MAPK4: variants seen among roughly 807,000 people sequenced by gnomAD.
MAPK4 encodes the protein mitogen-activated protein kinase 4.
MAPK4 carries 22 observed loss-of-function variants against 47.7 expected under a neutral mutation model. That is an observed-to-expected ratio of 0.46 (90% CI 0.33 to 0.66). MAPK4 has a LOEUF of 0.66. Ranked by LOEUF, MAPK4 falls within the 30% of genes least tolerant of loss-of-function variation. The probability of loss-of-function intolerance (pLI) is 0.02; values close to 1 mark genes in which losing one functional copy is unlikely to be tolerated. For synonymous variants in MAPK4, 390 were observed against 365.7 expected (o/e 1.07, Z -0.76); for missense variants, 736 against 831.7 (o/e 0.88, Z 1.42).
chr18:50,641,218 A>G (rs1309907903), intron 1 of MAPK4, among the ~76,000 whole-genome samples: 1 of 152,170 alleles, frequency 6.6e-6, no homozygotes, highest in Non-Finnish European at 1.5e-5. Context: ...ATATAAAAAG[A>G]GGGCTGGACG....
At position 50,669,074 on chromosome 18, in the gene MAPK4, C is replaced by T. The variant is rs1907776850; in HGVS notation, c.546+4570C>T. ...CCAGGCAGACACCAGATGTCAGTTT[C>T]CCCTTCACTGAGATACGGACCCCAC... On this transcript the variant is annotated intron_variant, in intron 2 of 5. Transcript: ENST00000400384. 3 of 152,222 alleles carry T rather than the reference C, an allele frequency of 2.0e-5. 1 individual carries two copies. The South Asian group carries it at 6.2e-4, about 32-fold the overall frequency. 9.4% of individuals were successfully genotyped at this position (152,222 alleles called of 1,614,324 possible). A position where few individuals can be genotyped will look rare whatever the true frequency, so the allele number is the denominator to read the frequency against.
chr18:50,666,708 T>G (rs529214715), intron 2 of MAPK4, among the ~76,000 whole-genome samples: 1 of 152,312 alleles, frequency 6.6e-6, no homozygotes, highest in South Asian at 2.1e-4. Flanking sequence ...AAGAAATCAC[T>G]GGAGGCAGTT....
rs531002684 is a variant in MAPK4 at position 50,678,512 on chromosome 18, C to T, written c.546+14008C>T. Among the ~76,000 whole-genome samples the T allele has an allele frequency of 5.7e-4, 87 of 152,268 alleles. 1 individual carries two copies. In the South Asian group the frequency reaches 0.011, roughly 19 times the overall value. ...CCTCCACCCTGTACAGACTGGAGAG[C>T]GGGCCCTGTCTTCCCAGAGGTGTTC... On this transcript the variant is annotated intron_variant, in intron 2 of 5. Transcript: ENST00000400384. The surrounding 1 kb of genome is among the most constrained non-coding windows in gnomAD (Gnocchi z 4.2).
intron 1 of MAPK4, among the ~76,000 whole-genome samples, chr18:50,599,849 G>A (rs542271679): frequency 6.6e-6 from 1 of 152,162 alleles, no homozygotes; most frequent in Admixed American, 6.5e-5. Context: ...CTTTCCTGAG[G>A]AGTATCTAAG....
intron 1 of MAPK4, among the ~76,000 whole-genome samples, chr18:50,632,858 G>A (rs914761923): frequency 6.6e-6 from 1 of 152,166 alleles, no homozygotes; most frequent in Non-Finnish European, 1.5e-5. Flanking sequence ...GACCTCAGGT[G>A]ATCCACCTGC....
In MAPK4 at chr18:50,729,812, C is replaced by A. The variant is rs963636818; in HGVS notation, c.1722C>A (p.Gly574=). 12 of 1,612,044 alleles carry A rather than the reference C, an allele frequency of 7.4e-6. No individual in the cohort carries two copies. Among genetic ancestry groups the A allele is most frequent in the Non-Finnish European group, 1.0e-5 (12 of 1,179,620 alleles). ...LNGACIPEHP[G]DLVQTEAFSK... is the part of the protein sequence containing the mutation. Reference sequence around the variant, plus strand: ...GTGCGTGCATCCCCGAGCACCCTGGCGACCTCGTGCAGACCGAGGCCTTCT... The same window carrying A: ...GTGCGTGCATCCCCGAGCACCCTGGAGACCTCGTGCAGACCGAGGCCTTCT... The change falls in exon 6 of 6, where the codon GGC becomes GGA. Residue 574 remains glycine, a synonymous_variant. Transcript: ENST00000400384.
intron 1 of MAPK4, among the ~76,000 whole-genome samples, chr18:50,618,800 G>A (rs1447077674): frequency 6.6e-6 from 1 of 152,062 alleles, no homozygotes; most frequent in Non-Finnish European, 1.5e-5. Context: ...ATGGAGTGGG[G>A]CAGGTGTTTG....
At chr18:50,643,563 C>T (rs2042960059) in intron 1 of MAPK4, among the ~76,000 whole-genome samples, 1 of 152,214 alleles carries the variant, frequency 6.6e-6, no homozygotes. Context: ...TAATTCTCAT[C>T]CCATATCTTC....
chr18:50,660,867 C>G (rs533537547), intron 1 of MAPK4, among the ~76,000 whole-genome samples: 1 of 152,296 alleles, frequency 6.6e-6, no homozygotes, highest in East Asian at 1.9e-4. Flanking sequence ...GCCACGTTGA[C>G]ATCGTACCTG....
At chr18:50,577,698 G>C (rs891201218) in intron 1 of MAPK4, among the ~76,000 whole-genome samples, 3 of 152,168 alleles carry the variant, frequency 2.0e-5, no homozygotes, top group African/African-American at 7.2e-5. Flanking sequence ...GGGCATTTCT[G>C]GTTCTTTGGA....
chr18:50,581,782 AAC>A (rs746734773), intron 1 of MAPK4, among the ~76,000 whole-genome samples: 1 of 152,208 alleles, frequency 6.6e-6, no homozygotes, highest in Non-Finnish European at 1.5e-5. Flanking sequence ...TTAGTCTGAC[AAC>A]AGTTACTGGG....
chr18:50,584,298 G>A (rs1568035136), intron 1 of MAPK4, among the ~76,000 whole-genome samples: 1 of 152,152 alleles, frequency 6.6e-6, no homozygotes, highest in Non-Finnish European at 1.5e-5. Context: ...CTGGGGTTAT[G>A]GTGGAGGAAT....
intron 1 of MAPK4, among the ~76,000 whole-genome samples, chr18:50,567,992 C>T (rs35037717): frequency 0.06 from 9,077 of 151,954 alleles, 355 homozygotes; most frequent in Non-Finnish European, 0.087. Flanking sequence ...GTCAGGCGAT[C>T]GAGACCATCC....
Position 50,664,103 on chromosome 18 carries a change from A to G in MAPK4, c.145A>G (p.Lys49Glu). ...CCGGGCCTGCCGGAAGGTCGCTGTG[A>G]AGAAGATTGCCCTGAGCGATGCCCG... ...DSRACRKVAV[K>E]KIALSDARSM... The change falls in exon 2 of 6, where the codon AAG (lysine) becomes GAG (glutamate). Residue 49 changes from lysine to glutamate, a missense_variant. Physicochemically the swap from Lys to Glu is moderately conservative, Grantham distance 56. Transcript: ENST00000400384. This position sits in a 1 kb window ranked among gnomAD's most constrained non-coding sequence, Gnocchi z 6.0. The G allele has an allele frequency of 6.2e-7, 1 of 1,614,042 alleles. No individual in the cohort carries two copies. Among genetic ancestry groups the G allele is most frequent in the South Asian group, 1.1e-5 (1 of 91,066 alleles).
intron 2 of MAPK4, among the ~76,000 whole-genome samples, chr18:50,687,772 TG>T (rs1382766902): frequency 6.6e-6 from 1 of 152,132 alleles, no homozygotes; most frequent in Non-Finnish European, 1.5e-5. Flanking sequence ...GAAATCCTTC[TG>T]GGCCACGTGT....
At chr18:50,570,662 T>C (rs2042241809) in intron 1 of MAPK4, among the ~76,000 whole-genome samples, 1 of 152,170 alleles carries the variant, frequency 6.6e-6, no homozygotes, top group Non-Finnish European at 1.5e-5. Flanking sequence ...ATGACTCTGC[T>C]TGATGCTAAG....
intron 2 of MAPK4, among the ~76,000 whole-genome samples, chr18:50,693,327 T>C (rs1179655811): frequency 6.6e-6 from 1 of 152,160 alleles, no homozygotes; most frequent in Non-Finnish European, 1.5e-5. Flanking sequence ...GTGCCCTCAC[T>C]TTATACACAA....
Position 50,663,994 on chromosome 18 carries a change from T to TG in MAPK4, c.39dup (p.Tyr14ValfsTer2). On this transcript the variant is annotated frameshift_variant, in exon 2 of 6. Transcript: ENST00000400384. LOFTEE classifies it high-confidence loss of function. ...AGGGTGACTGCATCGCCAGTGTCTA[T>TG]GGGTATGACCTCGGTGGGCGCTTTG... 1 of 1,613,856 alleles carries TG rather than the reference T, an allele frequency of 6.2e-7. No individual in the cohort carries two copies.
At chr18:50,631,105 C>T (rs767756780) in intron 1 of MAPK4, among the ~76,000 whole-genome samples, 4 of 152,218 alleles carry the variant, frequency 2.6e-5, no homozygotes, top group Non-Finnish European at 2.9e-5. Context: ...CGGCCGAGGT[C>T]AGACAGGGTG....
Sources: allele counts gnomAD v4.1 joint callset (sites outside exome capture counted in the v4.1 genomes callset), GRCh38; gene constraint gnomAD v4.1.1; non-coding constraint Gnocchi (gnomAD v3.1); transcripts MANE v1.5; gene names NCBI Gene and HGNC (gene_info 2026-07-23, HGNC 2026-07-21).